DYTN: variants seen among roughly 807,000 people sequenced by gnomAD.
DYTN encodes the protein dystrotelin.
Under a neutral mutation model 69.6 loss-of-function variants are expected in DYTN, and 75 were observed. The ratio of observed to expected loss-of-function variants is 1.08; its 90% confidence interval spans 0.89 to 1.31. DYTN has a LOEUF of 1.31. Among genes scored for constraint, DYTN ranks in the 50% most tolerant of loss-of-function variants. DYTN has a pLI of 0.00. For missense variants in DYTN, 726 were observed against 688.4 expected, an observed-to-expected ratio of 1.05 and a Z score of -0.61; for synonymous variants, 252 against 249.1, an observed-to-expected ratio of 1.01 and a Z score of -0.11.
chr2:206,696,608 G>A (rs1699922180), intron 7 of DYTN, among the ~76,000 whole-genome samples: 2 of 152,148 alleles, frequency 1.3e-5, no homozygotes, highest in Admixed American at 1.3e-4. Context: ...TGCAGATGAG[G>A]AAACTGAATT....
At position 206,699,746 on chromosome 2, in the gene DYTN, A is replaced by C; in HGVS notation, c.700T>G (p.Phe234Val). ...CTGTACCTGAGTCCCGTGATTGGGA[A>C]AGTCCTGCAGAGAGTGCACCGAGCA... is the stretch of plus-strand genomic sequence containing the variant. The part of the protein sequence containing the change: ...HPARCTLCRT[F>V]PITGLRYRCL... Residue 234 changes from phenylalanine (F) to valine (V), a missense_variant, in exon 7 of 12, where the codon TTC becomes GTC. By Grantham distance (50) the Phe-to-Val change is conservative. Transcript: ENST00000452335. The C allele has an allele frequency of 6.2e-7, 1 of 1,612,934 alleles. No individual in the cohort carries two copies. Among genetic ancestry groups the C allele is most frequent in the Non-Finnish European group, 8.5e-7 (1 of 1,179,574 alleles).
chr2:206,715,894 C>A (rs1002554556), intron 1 of DYTN, among the ~76,000 whole-genome samples: 28 of 152,098 alleles, frequency 1.8e-4, no homozygotes, highest in African/African-American at 4.3e-4. Context: ...TAAAGACCAT[C>A]CTGGCCAACA....
chr2:206,673,208 T>C (rs980159124), intron 9 of DYTN, among the ~76,000 whole-genome samples: 16 of 152,326 alleles, frequency 1.1e-4, no homozygotes, highest in African/African-American at 3.6e-4. Flanking sequence ...CTTCCCTTTT[T>C]AAAATTTCTG....
intron 9 of DYTN, among the ~76,000 whole-genome samples, chr2:206,689,229 G>A (rs182532254): frequency 3.7e-3 from 570 of 152,308 alleles, no homozygotes; most frequent in Middle Eastern, 0.01. Flanking sequence ...CATCAAAAGG[G>A]AGAAGGCTTA....
At chr2:206,708,586 C>G (rs913323817) in intron 2 of DYTN, among the ~76,000 whole-genome samples, 1 of 152,236 alleles carries the variant, frequency 6.6e-6, no homozygotes, top group Admixed American at 6.5e-5. Flanking sequence ...TAAAACCTGT[C>G]ACCTCAGCCA....
intron 3 of DYTN, among the ~76,000 whole-genome samples, chr2:206,706,910 A>AC (rs916535347): frequency 2.0e-5 from 3 of 152,030 alleles, no homozygotes; most frequent in Non-Finnish European, 4.4e-5. Flanking sequence ...TAAAAAAAAA[A>AC]AAAAAACAAT....
chr2:206,684,658 T>G (rs1396327350), intron 9 of DYTN, among the ~76,000 whole-genome samples: 2 of 152,202 alleles, frequency 1.3e-5, no homozygotes, highest in Admixed American at 6.5e-5. Flanking sequence ...AGCATCTTTT[T>G]GGGTGTCTAA....
At chr2:206,663,924 C>T in intron 10 of DYTN, among the ~76,000 whole-genome samples, 1 of 152,116 alleles carries the variant, frequency 6.6e-6, no homozygotes, top group South Asian at 2.1e-4. Context: ...CATAAGGATA[C>T]TTAGATGTTA....
chr2:206,709,273 C>A (rs540425878), intron 2 of DYTN, among the ~76,000 whole-genome samples: 11 of 152,156 alleles, frequency 7.2e-5, no homozygotes, highest in African/African-American at 2.7e-4. Context: ...CATGGCGAAA[C>A]CCTGTCTCTA....
At chr2:206,717,719 G>A (rs1289183601) in intron 1 of DYTN, among the ~76,000 whole-genome samples, 1 of 152,140 alleles carries the variant, frequency 6.6e-6, no homozygotes, top group African/African-American at 2.4e-5. Context: ...TTGGTTAGGG[G>A]AGTAAGGCTC....
intron 9 of DYTN, among the ~76,000 whole-genome samples, chr2:206,681,287 G>A (rs1699747745): frequency 6.6e-6 from 1 of 152,152 alleles, no homozygotes; most frequent in Non-Finnish European, 1.5e-5. Flanking sequence ...AGACAATGGG[G>A]CTTTCTAAAT....
At chr2:206,705,752 T>G (rs371626328) in intron 4 of DYTN, 36 bp downstream of exon 4, 1 of 1,602,518 alleles carries the variant, frequency 6.2e-7, no homozygotes, top group Non-Finnish European at 8.5e-7. Context: ...TGGGGCTCAC[T>G]GCACTTTAGG....
intron 11 of DYTN, among the ~76,000 whole-genome samples, chr2:206,655,765 T>G (rs1190561703): frequency 6.6e-6 from 1 of 152,220 alleles, no homozygotes. Flanking sequence ...AAGAATGTGT[T>G]GTGTAGTTTA....
intron 1 of DYTN, among the ~76,000 whole-genome samples, chr2:206,714,834 T>C (rs998042119): frequency 5.3e-5 from 8 of 152,160 alleles, no homozygotes; most frequent in African/African-American, 1.4e-4. Flanking sequence ...GTGGTCACAA[T>C]GGACTTCAGT....
chr2:206,717,153 T>A (rs1402641594), intron 1 of DYTN, among the ~76,000 whole-genome samples: 1 of 152,060 alleles, frequency 6.6e-6, no homozygotes, highest in Non-Finnish European at 1.5e-5. Flanking sequence ...TTTAGATGCT[T>A]AAAGAAATAG....
chr2:206,661,383 A>G (rs1057225307), intron 11 of DYTN, among the ~76,000 whole-genome samples: 6 of 152,206 alleles, frequency 3.9e-5, no homozygotes, highest in East Asian at 1.9e-4. Context: ...TCTGTAGATG[A>G]TCACTCCAAC....
chr2:206,717,173 CT>C lies in DYTN; in HGVS notation c.19+1087del, dbSNP rs1231000173. 2.0e-5 allele frequency among the ~76,000 whole-genome samples: 3 copies of C among 151,994 alleles called. No homozygotes were observed. In the East Asian group the frequency reaches 5.8e-4, roughly 29 times the overall value. ...ATGCTTAAAGAAATAGTAACACAAG[CT>C]ACATGTGTTCTTCTTCATGGAAGCA... On this transcript the variant is annotated intron_variant, in intron 1 of 11. Transcript: ENST00000452335.
intron 5 of DYTN, chr2:206,701,087 G>A (rs1043250534): frequency 5.3e-5 from 8 of 152,166 alleles, no homozygotes; most frequent in Non-Finnish European, 8.8e-5. Flanking sequence ...AAGTGCAGTA[G>A]TGAGAAGCAG....
chr2:206,710,387 A>G (rs1260630597), intron 2 of DYTN, 137 bp downstream of exon 2: 8 of 744,086 alleles, frequency 1.1e-5, no homozygotes, highest in Non-Finnish European at 1.7e-5. Context: ...TCTGTCACGA[A>G]TGGGCTAAAT....
Sources: allele counts gnomAD v4.1 joint callset (sites outside exome capture counted in the v4.1 genomes callset), GRCh38; gene constraint gnomAD v4.1.1; transcripts MANE v1.5; gene names NCBI Gene and HGNC (gene_info 2026-07-23, HGNC 2026-07-21).